The following TEAD1 variants were observed in gnomAD, a reference collection of about 807,000 sequenced individuals.
The protein encoded by TEAD1 is transcriptional enhancer factor TEF-1.
Under a neutral mutation model 54.9 loss-of-function variants are expected in TEAD1, and 9 were observed. The ratio of observed to expected loss-of-function variants is 0.16; its 90% CI spans 0.10 to 0.29. The LOEUF is 0.29. Among genes scored for constraint, TEAD1 ranks in the 10% least tolerant of loss-of-function variants. TEAD1 has a pLI of 1.00. For missense variants in TEAD1, 387 were observed against 535.9 expected, an observed-to-expected ratio of 0.72 and a Z score of 2.74; for synonymous variants, 200 against 187.8, an observed-to-expected ratio of 1.07 and a Z score of -0.53.
chr11:12,693,394 C>T (rs542779249), intron 2 of TEAD1, among the ~76,000 whole-genome samples: 6 of 152,334 alleles, frequency 3.9e-5, no homozygotes, highest in African/African-American at 1.4e-4. Flanking sequence ...TGGTTTGCAA[C>T]TGGAACAGTT....
chr11:12,717,689 C>T (rs1342947385), intron 2 of TEAD1, among the ~76,000 whole-genome samples: 4 of 152,178 alleles, frequency 2.6e-5, no homozygotes, highest in Non-Finnish European at 5.9e-5. Context: ...GTGGTGTTAA[C>T]AGGGAGCTAG....
chr11:12,747,702 A>G (rs1944775974), intron 2 of TEAD1, among the ~76,000 whole-genome samples: 1 of 152,210 alleles, frequency 6.6e-6, no homozygotes, highest in Non-Finnish European at 1.5e-5. Flanking sequence ...CATACTACCC[A>G]TGCTCATCTC....
At chr11:12,729,716 C>T (rs1359457256) in intron 2 of TEAD1, among the ~76,000 whole-genome samples, 3 of 152,112 alleles carry the variant, frequency 2.0e-5, no homozygotes, top group Non-Finnish European at 4.4e-5. Flanking sequence ...GAGATGCTAG[C>T]ATTAAAGTTG....
chr11:12,838,119 A>G (rs1384648311), intron 3 of TEAD1, among the ~76,000 whole-genome samples: 1 of 152,090 alleles, frequency 6.6e-6, no homozygotes, highest in African/African-American at 2.4e-5. Flanking sequence ...TTTTGAAGAC[A>G]ATACTGTCAC....
chr11:12,851,059 T>C (rs1167441951), intron 3 of TEAD1: 1 of 982,796 alleles, frequency 1.0e-6, no homozygotes, highest in East Asian at 1.1e-4. Context: ...AGATCTTTTC[T>C]TCGGATTTTC....
intron 3 of TEAD1, among the ~76,000 whole-genome samples, chr11:12,767,822 GCT>G (rs1242634933): frequency 1.3e-5 from 2 of 152,098 alleles, no homozygotes; most frequent in Non-Finnish European, 2.9e-5. Flanking sequence ...AGTCCCTGGG[GCT>G]CTCTCTTTCT....
At chr11:12,735,561 G>A (rs1284718989) in intron 2 of TEAD1, among the ~76,000 whole-genome samples, 8 of 142,432 alleles carry the variant, frequency 5.6e-5, no homozygotes, top group Admixed American at 1.4e-4. Flanking sequence ...TTCCTGGTTC[G>A]ATTTTTTTTT....
chr11:12,714,838 T>C (rs1383216836), intron 2 of TEAD1, among the ~76,000 whole-genome samples: 1 of 152,158 alleles, frequency 6.6e-6, no homozygotes, highest in African/African-American at 2.4e-5. Context: ...CCCTAGTGTC[T>C]CTATGTCCCA....
intron 12 of TEAD1, among the ~76,000 whole-genome samples, chr11:12,933,408 C>T (rs945468930): frequency 2.0e-5 from 3 of 152,034 alleles, no homozygotes; most frequent in African/African-American, 7.2e-5. Flanking sequence ...AGAAATTGTA[C>T]CTCATATAAA....
chr11:12,831,061 C>A (rs545243004), intron 3 of TEAD1, among the ~76,000 whole-genome samples: 1 of 152,188 alleles, frequency 6.6e-6, no homozygotes, highest in Non-Finnish European at 1.5e-5. Context: ...TCCAGCCGTT[C>A]AGTTCCACTG....
intron 9 of TEAD1, among the ~76,000 whole-genome samples, chr11:12,898,368 A>G (rs1263064828): frequency 1.3e-5 from 2 of 151,446 alleles, no homozygotes; most frequent in Non-Finnish European, 2.9e-5. Context: ...AACAATGGTC[A>G]TCTTAGCTAT....
At chr11:12,897,649 C>G (rs1329562465) in intron 9 of TEAD1, among the ~76,000 whole-genome samples, 1 of 152,218 alleles carries the variant, frequency 6.6e-6, no homozygotes, top group Non-Finnish European at 1.5e-5. Flanking sequence ...TTGGCAAAGA[C>G]AGCCTGCCCC....
intron 2 of TEAD1, among the ~76,000 whole-genome samples, chr11:12,676,236 C>A (rs1943084376): frequency 6.6e-6 from 1 of 152,244 alleles, no homozygotes; most frequent in African/African-American, 2.4e-5. Context: ...ATTTCTTTCT[C>A]CCCGCTTTCC....
chr11:12,855,233 A>C (rs1371086617), intron 3 of TEAD1, among the ~76,000 whole-genome samples: 1 of 152,040 alleles, frequency 6.6e-6, no homozygotes, highest in African/African-American at 2.4e-5. Context: ...TGTCCCCTTC[A>C]TCTATACTTT....
rs553971211 is a variant in TEAD1, at chr11:12,855,196, C to G, written c.203-7054C>G. Among the ~76,000 whole-genome samples the G allele has an allele frequency of 2.3e-3, 352 of 152,320 alleles. 2 individuals carry two copies. Among genetic ancestry groups the G allele is most frequent in the African/African-American group, 8.0e-3 (332 of 41,572 alleles). On this transcript the variant is annotated intron_variant, in intron 3 of 12. Coordinates refer to ENST00000527636, the MANE Select transcript of TEAD1 (RefSeq NM_021961.6). The stretch of plus-strand genomic sequence containing the variant: ...ACACCCCCATTCTGTAGACCTCTCC[C>G]AAGACAGTGACATGTGGTTTCCTCA...
At chr11:12,909,862 G>A (rs552034158) in intron 10 of TEAD1, among the ~76,000 whole-genome samples, 62 of 152,286 alleles carry the variant, frequency 4.1e-4, no homozygotes, top group African/African-American at 1.3e-3. Flanking sequence ...CATTGATGTG[G>A]CATTGAAATT....
At chr11:12,820,438 C>T (rs1157725807) in intron 3 of TEAD1, among the ~76,000 whole-genome samples, 6 of 151,744 alleles carry the variant, frequency 4.0e-5, no homozygotes, top group African/African-American at 1.5e-4. Flanking sequence ...TCTCTCATCC[C>T]CAAAGCGTTC....
Position 12,937,178 on chromosome 11 carries a change from G to T in TEAD1, c.1237G>T (p.Glu413Ter). Residue 413 changes from glutamate to a stop codon, truncating the protein, a stop_gained, in exon 13 of 13, where the codon GAA becomes TAA. Transcript: ENST00000527636. LOFTEE classifies it high-confidence loss of function. ...CTGTGTGTTTGAAGTTTCAAATAGT[G>T]AACACGGAGCACAACATCATATTTA... 1 of 1,613,956 alleles carries T rather than the reference G, an allele frequency of 6.2e-7. No homozygotes were observed. Among genetic ancestry groups the T allele is most frequent in the South Asian group, 1.1e-5 (1 of 91,040 alleles).
chr11:12,905,860 C>T (rs1352367866), intron 10 of TEAD1, among the ~76,000 whole-genome samples: 1 of 152,116 alleles, frequency 6.6e-6, no homozygotes, highest in East Asian at 1.9e-4. Context: ...AACCTGGGCT[C>T]GGTCAGGCTA....
Sources: allele counts gnomAD v4.1 joint callset (sites outside exome capture counted in the v4.1 genomes callset), GRCh38; gene constraint gnomAD v4.1.1; transcripts MANE v1.5; gene names NCBI Gene and HGNC (gene_info 2026-07-23, HGNC 2026-07-21).